Variants in RASGRF2 observed in about 807,000 individuals in gnomAD.
The protein encoded by RASGRF2 is Ras protein specific guanine nucleotide releasing factor 2.
RASGRF2 carries 76 observed loss-of-function variants against 151.0 expected under a neutral mutation model. The observed-to-expected ratio is 0.50, with a 90% CI of 0.42 to 0.61. RASGRF2 has a LOEUF of 0.61. Ranked by LOEUF, RASGRF2 falls within the 20% of genes least tolerant of loss-of-function variation. RASGRF2 has a pLI of 0.00. For synonymous variants in RASGRF2, 504 were observed against 566.5 expected (o/e 0.89, Z 1.57); for missense variants, 1,148 against 1,564.6 (o/e 0.73, Z 4.49).
rs180779108 is a variant in RASGRF2 at position 81,051,436 on chromosome 5, A to G, written c.395+8453A>G. Among the ~76,000 whole-genome samples the G allele has an allele frequency of 4.4e-3, 669 of 152,264 alleles. 1 individual carries two copies. Among genetic ancestry groups the G allele is most frequent in the Non-Finnish European group, 7.6e-3 (515 of 68,020 alleles). The stretch of plus-strand genomic sequence containing the variant: ...CAACCATCACCACTAATTTCGGAGC[A>G]TTTTCAACACCACAAAAGAAACCCC... On this transcript the variant is annotated intron_variant, in intron 2 of 26. Transcript: ENST00000265080.
At chr5:81,049,184 A>T (rs926660445) in intron 2 of RASGRF2, among the ~76,000 whole-genome samples, 1 of 129,286 alleles carries the variant, frequency 7.7e-6, no homozygotes, top group Non-Finnish European at 1.7e-5. Context: ...AAAAAAAAAA[A>T]TTCAGACAAT....
At chr5:81,061,749 A>G (rs1019348574) in intron 2 of RASGRF2, among the ~76,000 whole-genome samples, 1 of 151,882 alleles carries the variant, frequency 6.6e-6, no homozygotes, top group Non-Finnish European at 1.5e-5. Context: ...GTGCAGTGGC[A>G]TGAATACCAT....
At chr5:81,181,780 A>T (rs1056078117) in intron 18 of RASGRF2, among the ~76,000 whole-genome samples, 3 of 151,576 alleles carry the variant, frequency 2.0e-5, no homozygotes, top group Admixed American at 2.0e-4. Context: ...CTCCCTTCCA[A>T]ATCTTCTCCC....
At chr5:80,985,943 G>A (rs1561539187) in intron 1 of RASGRF2, among the ~76,000 whole-genome samples, 2 of 151,990 alleles carry the variant, frequency 1.3e-5, no homozygotes, top group East Asian at 1.9e-4. Flanking sequence ...GTGTGTGTGT[G>A]TATGTGTGTG....
chr5:81,106,705 T>C (rs1752856935), intron 12 of RASGRF2, among the ~76,000 whole-genome samples: 1 of 152,178 alleles, frequency 6.6e-6, no homozygotes, highest in South Asian at 2.1e-4. Context: ...GTGTGGCCTT[T>C]CTTGGGGCAC....
rs1353006223 is a variant in RASGRF2, at chr5:81,117,788, C to T, written c.2470+3868C>T. Among the ~76,000 whole-genome samples, 3 of 152,172 alleles carry T rather than the reference C, an allele frequency of 2.0e-5. No homozygotes were observed. In the South Asian group the frequency reaches 6.2e-4, roughly 32 times the overall value. On this transcript the variant is annotated intron_variant, in intron 15 of 26. Coordinates refer to ENST00000265080, the MANE Select transcript of RASGRF2 (RefSeq NM_006909.3). ...GACATGATTCATCCTGAGGCAAATT[C>T]CCTTCCAACTGTAATATGGTGGTAG...
chr5:81,106,528 T>C (rs539253679), intron 12 of RASGRF2, among the ~76,000 whole-genome samples: 1 of 152,344 alleles, frequency 6.6e-6, no homozygotes, highest in South Asian at 2.1e-4. Context: ...CTCTATAGCC[T>C]GCCTCCAACT....
At position 81,191,059 on chromosome 5, in the gene RASGRF2, G is replaced by A. The variant is rs115319030; in HGVS notation, c.2794-10271G>A. 2.6e-3 allele frequency among the ~76,000 whole-genome samples: 390 copies of A among 152,186 alleles called. 2 individuals carry two copies. The highest frequency in any genetic ancestry group is 9.1e-3 in the African/African-American group (379 of 41,508). On this transcript the variant is annotated intron_variant, in intron 18 of 26. Coordinates refer to ENST00000265080, the MANE Select transcript of RASGRF2 (RefSeq NM_006909.3). ...CCTTGGAAGCATTTCTGGAGACTGC[G>A]GCATGCAACCCTCAGCATGGGGAAC...
intron 1 of RASGRF2, among the ~76,000 whole-genome samples, chr5:81,022,055 C>A: frequency 6.6e-6 from 1 of 152,182 alleles, no homozygotes; most frequent in East Asian, 1.9e-4. Flanking sequence ...GATTCTTGAG[C>A]AAAAAGATCT....
chr5:81,034,953 TA>T (rs550924169), intron 1 of RASGRF2, among the ~76,000 whole-genome samples: 15 of 150,086 alleles, frequency 1.0e-4, no homozygotes, highest in Admixed American at 2.0e-4. Context: ...ATAATAAAAA[TA>T]AAAAAAAAGT....
intron 1 of RASGRF2, among the ~76,000 whole-genome samples, chr5:81,036,520 A>C (rs1001810491): frequency 1.3e-5 from 2 of 152,094 alleles, no homozygotes; most frequent in Non-Finnish European, 2.9e-5. Flanking sequence ...GGAATTAATA[A>C]TTGCCACCCC....
intron 1 of RASGRF2, among the ~76,000 whole-genome samples, chr5:81,023,499 G>C (rs1279271668): frequency 6.6e-6 from 1 of 152,180 alleles, no homozygotes; most frequent in East Asian, 1.9e-4. Context: ...AGTGAGACTA[G>C]ACATACAAGA....
chr5:81,124,562 A>G (rs1449569781), intron 16 of RASGRF2, among the ~76,000 whole-genome samples: 1 of 152,192 alleles, frequency 6.6e-6, no homozygotes, highest in Non-Finnish European at 1.5e-5. Flanking sequence ...AGGTCCAGGT[A>G]CATGGGACCC....
At chr5:81,008,577 T>G (rs1224099058) in intron 1 of RASGRF2, among the ~76,000 whole-genome samples, 1 of 152,216 alleles carries the variant, frequency 6.6e-6, no homozygotes, top group Non-Finnish European at 1.5e-5. Flanking sequence ...GTAATCTTCT[T>G]AAGATCAGTA....
At chr5:80,979,417 A>T (rs929529913) in intron 1 of RASGRF2, among the ~76,000 whole-genome samples, 1 of 152,318 alleles carries the variant, frequency 6.6e-6, no homozygotes, top group Middle Eastern at 3.4e-3. Context: ...GTTGTTATTA[A>T]TGAGCTCCAT....
At chr5:81,026,558 ATAAG>A (rs1212578914) in intron 1 of RASGRF2, among the ~76,000 whole-genome samples, 1 of 152,222 alleles carries the variant, frequency 6.6e-6, no homozygotes, top group Non-Finnish European at 1.5e-5. Flanking sequence ...CAGAAAAGAA[ATAAG>A]TAGGTAGAAG....
intron 1 of RASGRF2, among the ~76,000 whole-genome samples, chr5:80,966,677 T>A (rs1021793407): frequency 2.0e-5 from 3 of 152,168 alleles, no homozygotes; most frequent in Non-Finnish European, 2.9e-5. Flanking sequence ...GTTGTTGTTG[T>A]TGTTGTTGCA....
intron 10 of RASGRF2, 61 bp from the exon 11 acceptor site, chr5:81,094,235 C>T: frequency 1.5e-6 from 2 of 1,361,832 alleles, no homozygotes; most frequent in South Asian, 2.4e-5. Flanking sequence ...GTTTACAAAT[C>T]AGAGCTTCCC....
At chr5:80,980,740 A>G (rs1241223652) in intron 1 of RASGRF2, among the ~76,000 whole-genome samples, 1 of 152,230 alleles carries the variant, frequency 6.6e-6, no homozygotes, top group Non-Finnish European at 1.5e-5. Flanking sequence ...GTGAATTGTA[A>G]TAAATGAGTG....
Sources: gnomAD v4.1 joint callset for allele counts (sites outside exome capture counted in the v4.1 genomes callset) on GRCh38, gnomAD v4.1.1 for gene constraint, MANE v1.5 for transcripts, NCBI Gene and HGNC (gene_info 2026-07-23, HGNC 2026-07-21) for gene names.